NKAIN2: variants seen among roughly 807,000 people sequenced by gnomAD.
NKAIN2 encodes sodium/potassium-transporting ATPase subunit beta-1-interacting protein 2.
In NKAIN2, 14 loss-of-function variants were observed where a neutral mutation model predicts 32.6. The ratio of observed to expected loss-of-function variants is 0.43; its 90% CI spans 0.28 to 0.67. The LOEUF is 0.67. Ranked by LOEUF, NKAIN2 falls within the 30% of genes least tolerant of loss-of-function variation. NKAIN2 has a pLI of 0.17. For missense variants in NKAIN2, 198 were observed against 258.3 expected (o/e 0.77, Z 1.60); for synonymous variants, 80 against 87.2 (o/e 0.92, Z 0.46).
chr6:124,437,822 A>G (rs765023865), intron 3 of NKAIN2: 1 of 377,230 alleles, frequency 2.7e-6, no homozygotes, highest in Non-Finnish European at 5.1e-6. Context: ...AATTTCCTCA[A>G]CGCATGGGAT....
At chr6:124,795,220 G>A (rs1215602232) in intron 5 of NKAIN2, among the ~76,000 whole-genome samples, 1 of 152,156 alleles carries the variant, frequency 6.6e-6, no homozygotes, top group African/African-American at 2.4e-5. Context: ...AATGGCTGTG[G>A]AGATAAGGGC....
At chr6:124,652,166 G>C (rs1784390823) in intron 3 of NKAIN2, among the ~76,000 whole-genome samples, 1 of 152,092 alleles carries the variant, frequency 6.6e-6, no homozygotes, top group South Asian at 2.1e-4. Flanking sequence ...AAAGCCCTGG[G>C]GCATGGATAC....
chr6:124,807,162 C>A (rs948532412), intron 5 of NKAIN2, among the ~76,000 whole-genome samples: 5 of 152,208 alleles, frequency 3.3e-5, no homozygotes, highest in South Asian at 4.2e-4. Context: ...ACAGAACTCT[C>A]CACCCCAAAT....
chr6:124,370,571 A>C (rs1191459719), intron 3 of NKAIN2, among the ~76,000 whole-genome samples: 1 of 152,154 alleles, frequency 6.6e-6, no homozygotes, highest in Non-Finnish European at 1.5e-5. Context: ...AGTAATTAGG[A>C]GCTACGTCAA....
chr6:124,709,696 C>G (rs1005298436), intron 4 of NKAIN2, among the ~76,000 whole-genome samples: 6 of 151,474 alleles, frequency 4.0e-5, no homozygotes, highest in Middle Eastern at 3.4e-3. Flanking sequence ...TCCCCTTTAT[C>G]ATTTTTTATT....
At chr6:123,909,083 T>A (rs1775032190) in intron 1 of NKAIN2, among the ~76,000 whole-genome samples, 1 of 151,900 alleles carries the variant, frequency 6.6e-6, no homozygotes, top group Non-Finnish European at 1.5e-5. Context: ...ATTCCAGTCA[T>A]TTTTTTTCTT....
At chr6:123,931,186 T>A (rs1249629531) in intron 1 of NKAIN2, among the ~76,000 whole-genome samples, 1 of 152,046 alleles carries the variant, frequency 6.6e-6, no homozygotes, top group East Asian at 1.9e-4. Flanking sequence ...TTCCCTCATC[T>A]GAAACAGTTC....
chr6:124,066,457 G>A (rs1165448601), intron 1 of NKAIN2, among the ~76,000 whole-genome samples: 1 of 152,130 alleles, frequency 6.6e-6, no homozygotes, highest in Admixed American at 6.6e-5. Flanking sequence ...GAGCAGTAAA[G>A]TATACTTACC....
intron 1 of NKAIN2, among the ~76,000 whole-genome samples, chr6:124,068,168 A>G (rs115525897): frequency 0.014 from 2,078 of 152,288 alleles, 59 homozygotes; most frequent in African/African-American, 0.046. Flanking sequence ...TAACCACACT[A>G]TTAATAATAA....
chr6:124,798,567 T>C (rs546595552), intron 5 of NKAIN2, among the ~76,000 whole-genome samples: 34 of 152,212 alleles, frequency 2.2e-4, no homozygotes, highest in African/African-American at 7.5e-4. Context: ...GGGGCCAAGG[T>C]GAAAAAGGTG....
At chr6:124,796,812 C>G (rs991330134) in intron 5 of NKAIN2, among the ~76,000 whole-genome samples, 3 of 152,154 alleles carry the variant, frequency 2.0e-5, no homozygotes, top group African/African-American at 7.2e-5. Context: ...AAGGCTTTCT[C>G]CAGGAAAGCA....
chr6:124,642,524 C>T (rs1300844056), intron 3 of NKAIN2, among the ~76,000 whole-genome samples: 1 of 152,102 alleles, frequency 6.6e-6, no homozygotes, highest in African/African-American at 2.4e-5. Context: ...ATTGGCAGTG[C>T]AATACAGAAC....
chr6:124,727,790 A>G (rs963944798), intron 4 of NKAIN2, among the ~76,000 whole-genome samples: 1 of 26,430 alleles, frequency 3.8e-5, no homozygotes. Flanking sequence ...AAGACCCATC[A>G]GTGTGCTGTA....
intron 1 of NKAIN2, among the ~76,000 whole-genome samples, chr6:123,921,158 T>TA (rs1341133805): frequency 6.6e-6 from 1 of 152,186 alleles, no homozygotes; most frequent in African/African-American, 2.4e-5. Context: ...TAGTGAATCT[T>TA]AAAGAGGAAA....
intron 3 of NKAIN2, among the ~76,000 whole-genome samples, chr6:124,635,021 T>A (rs1265803417): frequency 2.4e-5 from 3 of 125,478 alleles, no homozygotes; most frequent in Non-Finnish European, 5.2e-5. Context: ...AAAGACAAGG[T>A]AAGGAAAGGA....
chr6:124,665,473 C>T (rs181913943), intron 4 of NKAIN2, among the ~76,000 whole-genome samples: 96 of 152,108 alleles, frequency 6.3e-4, no homozygotes, highest in African/African-American at 2.2e-3. Context: ...TATATGGGAG[C>T]AGAAGGGGGC....
intron 3 of NKAIN2, among the ~76,000 whole-genome samples, chr6:124,497,293 T>C (rs1583339161): frequency 6.6e-6 from 1 of 152,308 alleles, no homozygotes; most frequent in Non-Finnish European, 1.5e-5. Context: ...GATGTATGAC[T>C]TGCCACTAAA....
intron 3 of NKAIN2, among the ~76,000 whole-genome samples, chr6:124,413,962 T>C (rs9375330): frequency 0.4 from 60,488 of 151,900 alleles, 13,839 homozygotes; most frequent in South Asian, 0.6. Flanking sequence ...TAGATAATCA[T>C]GTTGTCTCAA....
Position 123,818,927 on chromosome 6 carries a change from G to T in NKAIN2, c.54+14673G>T, listed in dbSNP as rs1773809096. Among the ~76,000 whole-genome samples the T allele has an allele frequency of 2.0e-5, 3 of 152,116 alleles. No individual in the cohort carries two copies. The South Asian group carries it at 6.2e-4, about 32-fold the overall frequency. ...TGAGGCTTATCTTATTTGCAATTCTGCAAGGATGTACTTGGGTCCACTGAA... is the reference window on the plus strand; with the variant it reads ...TGAGGCTTATCTTATTTGCAATTCTTCAAGGATGTACTTGGGTCCACTGAA... On this transcript the variant is annotated intron_variant, in intron 1 of 6. Transcript: ENST00000368417.
Sources: allele counts gnomAD v4.1 joint callset (sites outside exome capture counted in the v4.1 genomes callset), GRCh38; gene constraint gnomAD v4.1.1; transcripts MANE v1.5; gene names NCBI Gene and HGNC (gene_info 2026-07-23, HGNC 2026-07-21).